The following ASPG variants were observed in gnomAD, a reference collection of about 807,000 sequenced individuals.
The protein encoded by ASPG is 60 kDa lysophospholipase.
In ASPG, 53 loss-of-function variants were observed where a neutral mutation model predicts 63.2. That is an observed-to-expected ratio of 0.84 (90% confidence interval 0.67 to 1.05). The LOEUF (loss-of-function observed/expected upper bound fraction) is 1.05, where lower values mean the gene tolerates loss of function less well. Ranked by LOEUF, ASPG falls within the 50% of genes least tolerant of loss-of-function variation. The pLI is 0.00. For missense variants in ASPG, 741 were observed against 794.4 expected, an observed-to-expected ratio of 0.93 and a Z score of 0.81; for synonymous variants, 370 against 355.0, an observed-to-expected ratio of 1.04 and a Z score of -0.48.
In ASPG at chr14:104,105,444, C is replaced by A; in HGVS notation, c.1167C>A (p.Gly389=). 1 of 1,594,374 alleles carries A rather than the reference C, an allele frequency of 6.3e-7. No homozygotes were observed. Among genetic ancestry groups the A allele is most frequent in the Non-Finnish European group, 8.5e-7 (1 of 1,171,258 alleles). The change falls in exon 10 of 16, where the codon GGC becomes GGA. Residue 389 remains glycine (G), a synonymous_variant. Coordinates refer to ENST00000551177, the MANE Select transcript of ASPG (RefSeq NM_001080464.3). ...TCTCCTGGCTCCTCAGTCTGAGCGGCAGCCAGGTAATGGCGTGGGACACGG... is the reference window on the plus strand; with the variant it reads ...TCTCCTGGCTCCTCAGTCTGAGCGGAAGCCAGGTAATGGCGTGGGACACGG... ...GGVSWLLSLS[G]SQEADALRNA... is the part of the protein sequence containing the mutation.
Position 104,109,396 on chromosome 14 carries a change from G to T in ASPG, c.1520+81G>T, listed in dbSNP as rs1406700014. 2.8e-6 allele frequency: 4 copies of T among 1,446,200 alleles called. No individual in the cohort carries two copies. Among genetic ancestry groups the T allele is most frequent in the African/African-American group, 2.8e-5 (2 of 71,592 alleles). 89.6% of individuals were successfully genotyped at this position (1,446,200 alleles called of 1,614,324 possible). ...AAGCGAAGCCAGACCTGCTGGGAGG[G>T]ACAAGTGAGTCAGGGTGTGGGGGCT... On this transcript the variant is annotated intron_variant, in intron 13 of 15. Transcript: ENST00000551177. This position sits in a 1 kb window ranked among gnomAD's most constrained non-coding sequence, Gnocchi z 4.8.
chr14:104,089,533 A>C (rs964221747), intron 1 of ASPG, among the ~76,000 whole-genome samples: 2 of 151,998 alleles, frequency 1.3e-5, no homozygotes, highest in Non-Finnish European at 2.9e-5. Context: ...AAACAAAAAA[A>C]ACTGATGCCA....
Position 104,112,643 on chromosome 14 carries a change from T to G in ASPG, c.*99T>G. 1 of 1,554,706 alleles carries G rather than the reference T, an allele frequency of 6.4e-7. No homozygotes were observed. Among genetic ancestry groups the G allele is most frequent in the Non-Finnish European group, 8.7e-7 (1 of 1,155,104 alleles). On this transcript the variant is annotated 3_prime_UTR_variant, in exon 16 of 16. Coordinates refer to ENST00000551177, the MANE Select transcript of ASPG (RefSeq NM_001080464.3). ...CCACTGCTGGGGCTGCTTCCCAGCC[T>G]GCTCTCATGTAAAGCCTGAAGGCCT...
chr14:104,106,080 G>T (rs1365485054), intron 10 of ASPG, among the ~76,000 whole-genome samples: 1 of 152,260 alleles, frequency 6.6e-6, no homozygotes. Context: ...GACCTGTCTT[G>T]TGAGCCATGT....
At chr14:104,112,050 G>A in intron 15 of ASPG, 50 bp downstream of exon 15, 1 of 1,511,120 alleles carries the variant, frequency 6.6e-7, no homozygotes. Flanking sequence ...AGCTTCTAGT[G>A]CAGGGCTGGA....
In ASPG at chr14:104,112,544, ACCTGAAGGCGT is replaced by A; in HGVS notation, c.*5_*15del. ...TTCAGGAAGTGCTGCCTGGTGTCTA[ACCTGAAGGCGT>A]CCTGCTGCAGTATAAGCCATTCCTT... On this transcript the variant is annotated 3_prime_UTR_variant, in exon 16 of 16. Coordinates refer to ENST00000551177, the MANE Select transcript of ASPG (RefSeq NM_001080464.3). 1 of 1,584,172 alleles carries A rather than the reference ACCTGAAGGCGT, an allele frequency of 6.3e-7. No homozygotes were observed.
chr14:104,103,653 AC>A lies in ASPG; in HGVS notation c.734del (p.Pro245LeufsTer16). On this transcript the variant is annotated frameshift_variant, in exon 7 of 16. Coordinates refer to ENST00000551177, the MANE Select transcript of ASPG (RefSeq NM_001080464.3). LOFTEE classifies it high-confidence loss of function. ...CAGGACGTGGGCCTGCTGCGCCTCT[AC>A]CCTGGGATCCCTGCCGCCCTGGTAG... is the stretch of plus-strand genomic sequence containing the variant. Reference protein sequence around the residue: ...MEQDVGLLRLYPGIPAALVRA... With the variant: ...MEQDVGLLRLXPGIPAALVRA... 1 of 1,547,788 alleles carries A rather than the reference AC, an allele frequency of 6.5e-7. No individual in the cohort carries two copies. Among genetic ancestry groups the A allele is most frequent in the Non-Finnish European group, 8.7e-7 (1 of 1,146,632 alleles).
At chr14:104,093,395 T>C (rs1448410678) in intron 2 of ASPG, 96 bp from the exon 3 acceptor site, 1 of 1,191,688 alleles carries the variant, frequency 8.4e-7, no homozygotes, top group Non-Finnish European at 1.2e-6. Context: ...GCCCCAGCTC[T>C]GCCAGAGGGG....
chr14:104,111,079 G>T, intron 13 of ASPG: 1 of 985,452 alleles, frequency 1.0e-6, no homozygotes, highest in African/African-American at 1.7e-5. Context: ...GCGGTGTGTT[G>T]TGTAACACGA....
rs1324326391 is a variant in ASPG at position 104,109,378 on chromosome 14, G to A, written c.1520+63G>A. On this transcript the variant is annotated intron_variant, in intron 13 of 15. Transcript: ENST00000551177. The surrounding 1 kb of genome is among the most constrained non-coding windows in gnomAD (Gnocchi z 4.8). ...GGGGGACACAGCTTGGGGAAGCGAAGCCAGACCTGCTGGGAGGGACAAGTG... is the reference window on the plus strand; with the variant it reads ...GGGGGACACAGCTTGGGGAAGCGAAACCAGACCTGCTGGGAGGGACAAGTG... 9 of 1,506,764 alleles carry A rather than the reference G, an allele frequency of 6.0e-6. No individual in the cohort carries two copies. The African/African-American group carries it at 1.1e-4, about 18-fold the overall frequency. The allele number at this position is 1,506,764 out of a possible 1,614,324, so 93.3% of individuals were successfully genotyped here.
chr14:104,095,149 G>A (rs1264249593), intron 3 of ASPG, among the ~76,000 whole-genome samples: 4 of 152,224 alleles, frequency 2.6e-5, no homozygotes, highest in Admixed American at 2.6e-4. Context: ...TGTGCCCACC[G>A]TTGTGTTCTT....
At position 104,110,512 on chromosome 14, in the gene ASPG, G is replaced by A. The variant is rs987618790; in HGVS notation, c.1521-990G>A. The A allele has an allele frequency of 3.0e-6, 3 of 985,342 alleles. No individual in the cohort carries two copies. Among genetic ancestry groups the A allele is most frequent in the Non-Finnish European group, 3.6e-6 (3 of 829,882 alleles). 61.0% of individuals were successfully genotyped at this position (985,342 alleles called of 1,614,324 possible). A position where few individuals can be genotyped will look rare whatever the true frequency, so the allele number is the denominator to read the frequency against. On this transcript the variant is annotated intron_variant, in intron 13 of 15. Transcript: ENST00000551177. This position sits in a 1 kb window ranked among gnomAD's most constrained non-coding sequence, Gnocchi z 4.7. ...CCAGGACTCTGCTTGGAAGTGGCCT[G>A]GCCAGCCTGAGCTGCTGGCTGGACT...
In ASPG at chr14:104,104,369, A is replaced by T; in HGVS notation, c.819A>T (p.Gly273=). 15 of 1,612,490 alleles carry T rather than the reference A, an allele frequency of 9.3e-6. No homozygotes were observed. The highest frequency in any genetic ancestry group is 1.3e-5 in the Non-Finnish European group (15 of 1,179,782). ...VVMETFGSGN[G]PTKPDLLQEL... ...TGGAGACCTTCGGTTCAGGGAACGG[A>T]CCCACCAAGCCCGACCTGCTGCAGG... is the stretch of plus-strand genomic sequence containing the variant. The change falls in exon 8 of 16, where the codon GGA becomes GGT. Residue 273 remains glycine (G), a synonymous_variant. Coordinates refer to ENST00000551177, the MANE Select transcript of ASPG (RefSeq NM_001080464.3).
At chr14:104,101,545 T>C (rs894764043) in intron 6 of ASPG, among the ~76,000 whole-genome samples, 5 of 152,044 alleles carry the variant, frequency 3.3e-5, no homozygotes, top group African/African-American at 1.2e-4. Context: ...GAGACCACAC[T>C]GTCACCCCCA....
intron 10 of ASPG, 127 bp from the exon 11 acceptor site, chr14:104,106,672 A>C: frequency 1.2e-6 from 1 of 839,306 alleles, no homozygotes; most frequent in Non-Finnish European, 1.9e-6. Flanking sequence ...GTTCCTTCTC[A>C]CCCACGCCCT....
At chr14:104,099,019 C>T in intron 6 of ASPG, 40 bp downstream of exon 6, 1 of 1,545,782 alleles carries the variant, frequency 6.5e-7, no homozygotes, top group Non-Finnish European at 8.7e-7. Flanking sequence ...CTGCCCAGTG[C>T]TGGTGCTGGG....
chr14:104,086,265 A>C (rs1744277), intron 1 of ASPG, among the ~76,000 whole-genome samples: 149,121 of 152,224 alleles, frequency 0.98, 73,116 homozygotes, highest in Middle Eastern at 1. Flanking sequence ...GGACCCCTCA[A>C]CTGCGACACC....
At position 104,095,456 on chromosome 14, in the gene ASPG, T is replaced by A. The variant is rs2036553276; in HGVS notation, c.304-75T>A. The A allele has an allele frequency of 5.6e-6, 9 of 1,596,526 alleles. No homozygotes were observed. The Admixed American group carries it at 1.5e-4, about 27-fold the overall frequency. On this transcript the variant is annotated intron_variant, in intron 3 of 15. Coordinates refer to ENST00000551177, the MANE Select transcript of ASPG (RefSeq NM_001080464.3). The stretch of plus-strand genomic sequence containing the variant: ...AGTCCTCCTCTCTGCATCCGGACCC[T>A]TTCCCCCATGCTGCAACCTCCCCCA...
At chr14:104,099,034 G>GGGCTGCTGCAGGGAGCTCGT in intron 6 of ASPG, 55 bp downstream of exon 6, 1 of 1,531,360 alleles carries the variant, frequency 6.5e-7, no homozygotes, top group Non-Finnish European at 8.8e-7. Context: ...GCTGGGCGAG[G>GGGCTGCTGCAGGGAGCTCGT]GGCTGCTGCA....
Sources: gnomAD v4.1 joint callset for allele counts (sites outside exome capture counted in the v4.1 genomes callset) on GRCh38, gnomAD v4.1.1 for gene constraint, Gnocchi (gnomAD v3.1) non-coding constraint, MANE v1.5 for transcripts, NCBI Gene and HGNC (gene_info 2026-07-23, HGNC 2026-07-21) for gene names.